The following SPATA7 variants were observed in gnomAD, a reference collection of about 807,000 sequenced individuals.
The protein encoded by SPATA7 is spermatogenesis-associated protein 7.
In SPATA7, 43 loss-of-function variants were observed where a neutral mutation model predicts 51.8. That is an observed-to-expected ratio of 0.83 (90% CI 0.65 to 1.07). The LOEUF (loss-of-function observed/expected upper bound fraction) is 1.07. Among genes scored for constraint, SPATA7 ranks in the 50% least tolerant of loss-of-function variants. SPATA7 has a pLI of 0.00. For synonymous variants in SPATA7, 230 were observed against 252.8 expected, an observed-to-expected ratio of 0.91 and a Z score of 0.86; for missense variants, 683 against 701.3, an observed-to-expected ratio of 0.97 and a Z score of 0.30.
At chr14:88,455,786 T>C (rs1185092629), downstream of SPATA7, among the ~76,000 whole-genome samples, 3 of 152,144 alleles carry the variant, frequency 2.0e-5, no homozygotes, top group Non-Finnish European at 4.4e-5. Context: ...TGCAGGTTTG[T>C]TACATATGTA....
intron 5 of SPATA7, among the ~76,000 whole-genome samples, chr14:88,424,196 C>T (rs1316901546): frequency 6.6e-6 from 1 of 152,090 alleles, no homozygotes; most frequent in East Asian, 1.9e-4. Context: ...GGGATTCTAC[C>T]AGTGTGTTAC....
intron 1 of SPATA7, among the ~76,000 whole-genome samples, chr14:88,388,892 G>A (rs945548841): frequency 2.0e-5 from 3 of 152,176 alleles, no homozygotes; most frequent in African/African-American, 7.2e-5. Context: ...CTTGCCCAAA[G>A]CTTCATCACC....
chr14:88,457,943 T>C (rs917489548), downstream of SPATA7, among the ~76,000 whole-genome samples: 4 of 152,162 alleles, frequency 2.6e-5, no homozygotes, highest in Admixed American at 6.5e-5. Flanking sequence ...TGAAGGGCTG[T>C]TGAATTTTCT....
Position 88,410,980 on chromosome 14 carries a change from C to G in SPATA7, c.239-5731C>G, listed in dbSNP as rs967461900. ...AAGTCTGCTGAAGCTGTGCCCACAG[C>G]CACCCCTTCTCCCAGGTGCTCTGTC... On this transcript the variant is annotated intron_variant, in intron 4 of 11. Transcript: ENST00000393545. 5.0e-4 allele frequency among the ~76,000 whole-genome samples: 76 copies of G among 152,060 alleles called. 1 individual carries two copies. Among genetic ancestry groups the G allele is most frequent in the Non-Finnish European group, 1.9e-4 (13 of 68,044 alleles).
intron 5 of SPATA7, among the ~76,000 whole-genome samples, chr14:88,424,383 T>C (rs1595264536): frequency 6.6e-6 from 1 of 152,222 alleles, no homozygotes; most frequent in East Asian, 1.9e-4. Context: ...TCATGCTTTC[T>C]ATAAGTTCAG....
rs59427279 is a variant in SPATA7 at position 88,406,434 on chromosome 14, CT to C, written c.238+10246del. ...CTAGCCCCAGGCAACCACTAATCTA[CT>C]TTTTTTTTTTTTTTAGCATTCTATT... On this transcript the variant is annotated intron_variant, in intron 4 of 11. Coordinates refer to ENST00000393545, the MANE Select transcript of SPATA7 (RefSeq NM_018418.5). 6.4e-3 allele frequency among the ~76,000 whole-genome samples: 885 copies of C among 137,992 alleles called. 4 individuals carry two copies. The highest frequency in any genetic ancestry group is 0.014 in the African/African-American group (515 of 38,148). 90.5% of individuals were successfully genotyped at this position (137,992 alleles called of 152,430 possible). A position where few individuals can be genotyped will look rare whatever the true frequency, so the allele number is the denominator to read the frequency against.
At chr14:88,468,247 C>A in intron 4 of SPATA7, 6 of 1,606,978 alleles carry the variant, frequency 3.7e-6, no homozygotes, top group Non-Finnish European at 5.1e-6. Context: ...ATGTCCAGCA[C>A]TCTCGGGATG....
Position 88,429,460 on chromosome 14 carries a change from C to T in SPATA7, c.1025C>T (p.Pro342Leu). The T allele has an allele frequency of 6.3e-7, 1 of 1,586,450 alleles. No individual in the cohort carries two copies. The highest frequency in any genetic ancestry group is 8.7e-7 in the Non-Finnish European group (1 of 1,155,230). Reference protein sequence around the residue: ...IKDDALQHSSPRAMCQYSLKP... With the variant: ...IKDDALQHSSLRAMCQYSLKP... ...GATGATGCTCTTCAGCATTCCTCAC[C>T]AAGGTAAACAGTTCACAGGAGAAAT... Residue 342 changes from proline to leucine, a missense_variant, in exon 8 of 12, where the codon CCA becomes CTA. Physicochemically the swap from Pro to Leu is moderately conservative, Grantham distance 98. Transcript: ENST00000393545.
downstream of SPATA7, among the ~76,000 whole-genome samples, chr14:88,458,599 A>G (rs1345979239): frequency 6.6e-6 from 1 of 151,916 alleles, no homozygotes; most frequent in Non-Finnish European, 1.5e-5. Flanking sequence ...TATTGCCTCT[A>G]TTTGATTCTC....
At chr14:88,431,093 T>C in intron 8 of SPATA7, 79 bp from the exon 9 acceptor site, 1 of 1,214,062 alleles carries the variant, frequency 8.2e-7, no homozygotes, top group Non-Finnish European at 1.2e-6. Flanking sequence ...ATTCAGTGTG[T>C]ACTAATATAC....
chr14:88,466,549 T>TAGACCC (rs2077366208), intron 4 of SPATA7: 2 of 152,164 alleles, frequency 1.3e-5, no homozygotes, highest in Admixed American at 1.3e-4. Flanking sequence ...TTTTGGAAGT[T>TAGACCC]CACTGTAAGA....
chr14:88,453,114 A>G (rs2077263212), intron 3 of SPATA7, among the ~76,000 whole-genome samples: 2 of 152,210 alleles, frequency 1.3e-5, no homozygotes, highest in East Asian at 1.9e-4. Context: ...TGTTTACCCA[A>G]TTTGTCTCTA....
In SPATA7 at chr14:88,468,390, T is replaced by A. The variant is rs763519427; in HGVS notation, c.255-1457T>A. On this transcript the variant is annotated intron_variant, in intron 4 of 4. Transcript: ENST00000556406. ...GGACAGTCTCTTTTCCACCTTAGCGTCTTCTAGAAATAAGCCATGATTGCC... is the reference window on the plus strand; with the variant it reads ...GGACAGTCTCTTTTCCACCTTAGCGACTTCTAGAAATAAGCCATGATTGCC... 6.1e-4 allele frequency: 573 copies of A among 941,602 alleles called. 3 individuals are homozygous for A. Among genetic ancestry groups the A allele is most frequent in the Non-Finnish European group, 4.0e-4 (258 of 648,104 alleles). The allele number at this position is 941,602 out of a possible 1,614,324, so 58.3% of individuals were successfully genotyped here.
At chr14:88,460,411 T>G (rs538176603) in intron 4 of SPATA7, among the ~76,000 whole-genome samples, 217 of 152,314 alleles carry the variant, frequency 1.4e-3, no homozygotes, top group African/African-American at 5.0e-3. Flanking sequence ...TTCATTTCCT[T>G]TTACTCTTTT....
At position 88,469,335 on chromosome 14, in the gene SPATA7, T is replaced by C. The variant is rs1215314721; in HGVS notation, c.255-512T>C. ...CTACTCACTACCAAATCATAATTTA[T>C]AAACCTCGTTAACCCTCCCCAAAAC... On this transcript the variant is annotated intron_variant, in intron 4 of 4. Transcript: ENST00000556406. The surrounding 1 kb of genome is among the most constrained non-coding windows in gnomAD (Gnocchi z 4.3). Among the ~76,000 whole-genome samples the C allele has an allele frequency of 6.6e-6, 1 of 152,162 alleles. No homozygotes were observed. The highest frequency in any genetic ancestry group is 1.5e-5 in the Non-Finnish European group (1 of 68,048).
chr14:88,468,817 A>G (rs2077406029), intron 4 of SPATA7: 1 of 1,491,954 alleles, frequency 6.7e-7, no homozygotes, highest in Non-Finnish European at 9.3e-7. Context: ...ACCACAGTCC[A>G]AGGAAATGTG....
intron 6 of SPATA7, 96 bp from the exon 7 acceptor site, chr14:88,427,534 A>T: frequency 1.3e-6 from 1 of 797,554 alleles, no homozygotes; most frequent in South Asian, 1.6e-5. Context: ...GATGGGTCTC[A>T]TTCTTTTTGA....
chr14:88,389,377 A>T (rs186910681), intron 1 of SPATA7, among the ~76,000 whole-genome samples: 8 of 151,658 alleles, frequency 5.3e-5, no homozygotes, highest in Non-Finnish European at 1.2e-4. Context: ...CTAATTTTGT[A>T]TTTTTTTGTG....
At chr14:88,447,507 G>A (rs2077222260) in intron 3 of SPATA7, among the ~76,000 whole-genome samples, 1 of 152,052 alleles carries the variant, frequency 6.6e-6, no homozygotes, top group Admixed American at 6.5e-5. Context: ...ATTGTAATGT[G>A]TGAATTTGAT....
Sources: gnomAD v4.1 joint callset for allele counts (sites outside exome capture counted in the v4.1 genomes callset) on GRCh38, gnomAD v4.1.1 for gene constraint, Gnocchi (gnomAD v3.1) non-coding constraint, MANE v1.5 for transcripts, NCBI Gene and HGNC (gene_info 2026-07-23, HGNC 2026-07-21) for gene names.